LINGO2: variants seen among roughly 807,000 people sequenced by gnomAD.
The protein encoded by LINGO2 is leucine-rich repeat and immunoglobulin-like domain-containing nogo receptor-interacting protein 2.
A neutral mutation model predicts 30.6 loss-of-function variants in LINGO2; 14 were observed. The ratio of observed to expected loss-of-function variants is 0.46; its 90% CI spans 0.30 to 0.72. The LOEUF (loss-of-function observed/expected upper bound fraction) is 0.72. LINGO2 is among the 30% of genes least tolerant of loss of function. LINGO2 has a pLI of 0.07. For synonymous variants in LINGO2, 317 were observed against 288.5 expected (o/e 1.10, Z -1.00); for missense variants, 729 against 751.7 (o/e 0.97, Z 0.35).
the LINGO2 span, among the ~76,000 whole-genome samples, chr9:28,982,111 T>C: frequency 6.6e-6 from 1 of 152,106 alleles, no homozygotes; most frequent in Admixed American, 6.6e-5. Flanking sequence ...AGAACTGGCA[T>C]ATATACTTTA....
At chr9:28,483,651 G>T (rs1490230707) in intron 1 of LINGO2, among the ~76,000 whole-genome samples, 1 of 151,978 alleles carries the variant, frequency 6.6e-6, no homozygotes, top group Non-Finnish European at 1.5e-5. Flanking sequence ...TAATCAAAGT[G>T]AGAAGTGAAA....
At chr9:28,988,840 A>T in the LINGO2 span, among the ~76,000 whole-genome samples, 2 of 151,908 alleles carry the variant, frequency 1.3e-5, no homozygotes, top group Non-Finnish European at 2.9e-5. Context: ...TAACTTTTCT[A>T]TTTTTGTTTT....
chr9:28,313,848 G>T (rs1385727575), intron 3 of LINGO2, among the ~76,000 whole-genome samples: 2 of 152,140 alleles, frequency 1.3e-5, no homozygotes, highest in Non-Finnish European at 2.9e-5. Flanking sequence ...TCTCTGAAGG[G>T]TTCTTATTTG....
chr9:28,971,660 T>C, the LINGO2 span, among the ~76,000 whole-genome samples: 5 of 152,198 alleles, frequency 3.3e-5, no homozygotes, highest in Admixed American at 3.3e-4. Context: ...TCTAAAGTTT[T>C]TGACTCTAGT....
At chr9:29,042,034 C>T in the LINGO2 span, among the ~76,000 whole-genome samples, 2 of 151,856 alleles carry the variant, frequency 1.3e-5, no homozygotes, top group East Asian at 1.9e-4. Context: ...AAAATAAACA[C>T]ATATAGATGC....
chr9:28,586,973 C>T (rs533605939), intron 1 of LINGO2, among the ~76,000 whole-genome samples: 1 of 152,158 alleles, frequency 6.6e-6, no homozygotes, highest in East Asian at 1.9e-4. Flanking sequence ...CTGAACATAA[C>T]TTTAACCTGT....
At chr9:28,920,501 A>T in the LINGO2 span, among the ~76,000 whole-genome samples, 1 of 152,172 alleles carries the variant, frequency 6.6e-6, no homozygotes, top group Non-Finnish European at 1.5e-5. Context: ...TGGTTAATAC[A>T]AATGTGGCTA....
intron 4 of LINGO2, among the ~76,000 whole-genome samples, chr9:28,167,222 C>T (rs1828455480): frequency 6.8e-6 from 1 of 147,076 alleles, no homozygotes; most frequent in African/African-American, 2.5e-5. Context: ...TCTGCTTCTA[C>T]TCAACTTTGT....
At chr9:28,833,156 C>A in the LINGO2 span, among the ~76,000 whole-genome samples, 18 of 152,298 alleles carry the variant, frequency 1.2e-4, no homozygotes, top group South Asian at 3.5e-3. Context: ...CAGGCCTGTA[C>A]TGCCTAATTT....
chr9:27,946,710 G>A (rs891925238), downstream of LINGO2, among the ~76,000 whole-genome samples: 5 of 152,094 alleles, frequency 3.3e-5, no homozygotes, highest in African/African-American at 1.2e-4. Flanking sequence ...TTGCAGCAGA[G>A]CTTGATTTGC....
chr9:28,938,820 T>C, the LINGO2 span, among the ~76,000 whole-genome samples: 1 of 152,202 alleles, frequency 6.6e-6, no homozygotes, highest in Non-Finnish European at 1.5e-5. Context: ...GTAAGTGATA[T>C]ACGATCACAC....
chr9:28,409,515 G>C (rs1426000851), intron 2 of LINGO2, among the ~76,000 whole-genome samples: 3 of 151,934 alleles, frequency 2.0e-5, no homozygotes, highest in Non-Finnish European at 4.4e-5. Flanking sequence ...ACATTTCCCT[G>C]TTGAGACTCT....
rs1345487854 is a variant in LINGO2, at chr9:28,641,449, A to G, written c.-365+28751T>C. 5.9e-5 allele frequency among the ~76,000 whole-genome samples: 9 copies of G among 152,288 alleles called. No homozygotes were observed. The East Asian group carries it at 1.7e-3, about 29-fold the overall frequency. On this transcript the variant is annotated intron_variant, in intron 1 of 5. Coordinates refer to ENST00000379992, the Ensembl canonical transcript of LINGO2. ...TCACCTACTACAGAAAACTGGCCCCAAGAAAGTCACTAGTGAAAGGAAACA... is the reference window on the plus strand; with the variant it reads ...TCACCTACTACAGAAAACTGGCCCCGAGAAAGTCACTAGTGAAAGGAAACA...
chr9:29,106,875 A>C, the LINGO2 span, among the ~76,000 whole-genome samples: 10 of 152,280 alleles, frequency 6.6e-5, no homozygotes, highest in African/African-American at 2.4e-4. Flanking sequence ...ACACACACAA[A>C]TTCAGATCTG....
At chr9:28,231,658 T>C (rs1204847971) in intron 4 of LINGO2, among the ~76,000 whole-genome samples, 1 of 152,138 alleles carries the variant, frequency 6.6e-6, no homozygotes, top group African/African-American at 2.4e-5. Context: ...CACATAGTTA[T>C]AGTAAAACTC....
In LINGO2 at chr9:28,267,076, C is replaced by T. The variant is rs541652725; in HGVS notation, c.-87+28132G>A. On this transcript the variant is annotated intron_variant, in intron 4 of 5. Coordinates refer to ENST00000379992, the Ensembl canonical transcript of LINGO2. ...TGTTTCCAGACAGTGCAATAATGCCCTGTTTGTGTAGGCCGAGGAGGATGA... is the reference window on the plus strand; with the variant it reads ...TGTTTCCAGACAGTGCAATAATGCCTTGTTTGTGTAGGCCGAGGAGGATGA... Among the ~76,000 whole-genome samples, 130 of 151,976 alleles carry T rather than the reference C, an allele frequency of 8.6e-4. 1 individual carries two copies. Among genetic ancestry groups the T allele is most frequent in the African/African-American group, 3.0e-3 (124 of 41,420 alleles).
At chr9:29,042,508 C>A in the LINGO2 span, among the ~76,000 whole-genome samples, 1 of 151,908 alleles carries the variant, frequency 6.6e-6, no homozygotes, top group Admixed American at 6.6e-5. Flanking sequence ...TACTACTCAA[C>A]AATTAAAAAT....
At chr9:28,203,882 G>A (rs1331515347) in intron 4 of LINGO2, among the ~76,000 whole-genome samples, 1 of 152,104 alleles carries the variant, frequency 6.6e-6, no homozygotes, top group Non-Finnish European at 1.5e-5. Context: ...TGGATTACAT[G>A]ATCAATATGT....
At chr9:29,166,135 C>T in the LINGO2 span, among the ~76,000 whole-genome samples, 18 of 151,966 alleles carry the variant, frequency 1.2e-4, no homozygotes, top group East Asian at 3.9e-4. Flanking sequence ...AAGGGTAACA[C>T]GAATTAGGCA....
Sources: gnomAD v4.1 joint callset for allele counts (sites outside exome capture counted in the v4.1 genomes callset) on GRCh38, gnomAD v4.1.1 for gene constraint, MANE v1.5 for transcripts, NCBI Gene and HGNC (gene_info 2026-07-23, HGNC 2026-07-21) for gene names.